Variants in FARS2 observed in about 807,000 individuals in gnomAD.
FARS2 encodes phenylalanine--tRNA ligase, mitochondrial.
Under a neutral mutation model 46.4 loss-of-function variants are expected in FARS2, and 40 were observed. The ratio of observed to expected loss-of-function variants is 0.86; its 90% CI spans 0.67 to 1.12. The LOEUF (loss-of-function observed/expected upper bound fraction) is 1.12. Among genes scored for constraint, FARS2 ranks in the 50% most tolerant of loss-of-function variants. The pLI, the probability that FARS2 is intolerant of heterozygous loss-of-function variation, is 0.00. For missense variants in FARS2, 513 were observed against 567.9 expected (o/e 0.90, Z 0.98); for synonymous variants, 234 against 214.9 (o/e 1.09, Z -0.78).
At chr6:5,768,019 C>T (rs528469163) in intron 6 of FARS2, among the ~76,000 whole-genome samples, 1 of 152,322 alleles carries the variant, frequency 6.6e-6, no homozygotes, top group South Asian at 2.1e-4. Context: ...CGGGAGACCA[C>T]TCTTCAAGAA....
intron 4 of FARS2, among the ~76,000 whole-genome samples, chr6:5,505,107 G>A (rs1041295544): frequency 6.6e-6 from 1 of 152,080 alleles, no homozygotes; most frequent in Non-Finnish European, 1.5e-5. Flanking sequence ...AATTATTTGT[G>A]GTACCTACTT....
At chr6:5,484,409 A>G (rs1475960052) in intron 4 of FARS2, among the ~76,000 whole-genome samples, 1 of 152,238 alleles carries the variant, frequency 6.6e-6, no homozygotes, top group Non-Finnish European at 1.5e-5. Context: ...GCTTGCAGTG[A>G]TGATGGGAAT....
chr6:5,262,790 T>G (rs2127799622), intron 1 of FARS2, among the ~76,000 whole-genome samples: 1 of 152,364 alleles, frequency 6.6e-6, no homozygotes, highest in African/African-American at 2.4e-5. Flanking sequence ...TGTTATTGTT[T>G]ATTATTATTT....
chr6:5,563,149 A>G (rs1772112769), intron 5 of FARS2, among the ~76,000 whole-genome samples: 2 of 152,262 alleles, frequency 1.3e-5, no homozygotes, highest in South Asian at 4.1e-4. Flanking sequence ...CCAGGTATAT[A>G]TGCAGAGGCT....
rs574198102 is a variant in FARS2, at chr6:5,613,449, T to C, written c.1217+129T>C. On this transcript the variant is annotated intron_variant, in intron 6 of 6. Transcript: ENST00000274680. ...AAATGTCTTCTGAATTTGTAGTGAA[T>C]GTATAGCTTATCAGAAAACTCTTTG... 61 of 660,148 alleles carry C rather than the reference T, an allele frequency of 9.2e-5. No individual in the cohort carries two copies. The African/African-American group carries it at 1.1e-3, about 11-fold the overall frequency. The allele number at this position is 660,148 out of a possible 1,614,324, so 40.9% of individuals were successfully genotyped here.
chr6:5,421,593 C>G (rs1181015105), intron 3 of FARS2, among the ~76,000 whole-genome samples: 3 of 152,202 alleles, frequency 2.0e-5, no homozygotes, highest in Admixed American at 1.3e-4. Context: ...GCACCCAAGT[C>G]ACCTCTTGAA....
Position 5,341,225 on chromosome 6 carries a change from ATATATATATATTTTT to A in FARS2, c.-21-27323_-21-27309del, listed in dbSNP as rs1319989637. ...TATATATATATATATATATATATAT[ATATATATATATTTTT>A]TTTTTTTTTTTTTTTTTCCCTGTGA... is the stretch of plus-strand genomic sequence containing the variant. On this transcript the variant is annotated intron_variant, in intron 1 of 6. Coordinates refer to ENST00000274680, the MANE Select transcript of FARS2 (RefSeq NM_006567.5). Among the ~76,000 whole-genome samples, 12 of 4,872 alleles carry A rather than the reference ATATATATATATTTTT, an allele frequency of 2.5e-3. 1 individual carries two copies. The East Asian group carries it at 0.038, about 16-fold the overall frequency. 3.2% of individuals were successfully genotyped at this position (4,872 alleles called of 152,430 possible).
chr6:5,514,408 A>G (rs551485041), intron 4 of FARS2, among the ~76,000 whole-genome samples: 6 of 152,190 alleles, frequency 3.9e-5, no homozygotes, highest in Non-Finnish European at 8.8e-5. Context: ...GCCTAATTGC[A>G]TTTATTATTT....
intron 5 of FARS2, among the ~76,000 whole-genome samples, chr6:5,570,266 T>G (rs13192568): frequency 3.3e-5 from 5 of 152,096 alleles, no homozygotes; most frequent in Non-Finnish European, 5.9e-5. Flanking sequence ...CTTCCTAAGG[T>G]GTTTATTTTG....
At chr6:5,735,046 G>T (rs563054651) in intron 6 of FARS2, among the ~76,000 whole-genome samples, 4 of 152,298 alleles carry the variant, frequency 2.6e-5, no homozygotes, top group South Asian at 2.1e-4. Context: ...TGGTCATTTT[G>T]TGGATTATAT....
intron 5 of FARS2, among the ~76,000 whole-genome samples, chr6:5,586,104 T>G (rs1773599264): frequency 6.6e-6 from 1 of 152,192 alleles, no homozygotes; most frequent in Non-Finnish European, 1.5e-5. Flanking sequence ...GTCTATTAGT[T>G]CTAACAGATT....
At chr6:5,525,991 A>C (rs941245801) in intron 4 of FARS2, among the ~76,000 whole-genome samples, 2 of 152,368 alleles carry the variant, frequency 1.3e-5, no homozygotes, top group African/African-American at 4.8e-5. Context: ...CTTTTTGGAA[A>C]GGTTGAAGAA....
At chr6:5,533,913 C>T (rs1344827458) in intron 4 of FARS2, among the ~76,000 whole-genome samples, 8 of 152,316 alleles carry the variant, frequency 5.3e-5, no homozygotes, top group Admixed American at 1.3e-4. Flanking sequence ...CCTTTTGTTA[C>T]GCTGTGAAAT....
intron 4 of FARS2, among the ~76,000 whole-genome samples, chr6:5,464,871 C>G (rs945716076): frequency 1.3e-5 from 2 of 152,136 alleles, no homozygotes; most frequent in Non-Finnish European, 2.9e-5. Flanking sequence ...ATGAAAATAA[C>G]AAAATGAACA....
chr6:5,349,755 G>GT (rs1008330711), intron 1 of FARS2, among the ~76,000 whole-genome samples: 2 of 152,034 alleles, frequency 1.3e-5, no homozygotes, highest in Non-Finnish European at 2.9e-5. Flanking sequence ...GGCTGTGACT[G>GT]TTTCTTATAC....
At chr6:5,745,083 C>T (rs1292307821) in intron 6 of FARS2, among the ~76,000 whole-genome samples, 2 of 152,188 alleles carry the variant, frequency 1.3e-5, no homozygotes, top group Non-Finnish European at 1.5e-5. Context: ...CCACAAAATG[C>T]TATCCTAGAA....
intron 6 of FARS2, among the ~76,000 whole-genome samples, chr6:5,732,745 T>C (rs1337740586): frequency 6.6e-6 from 1 of 152,048 alleles, no homozygotes; most frequent in East Asian, 1.9e-4. Context: ...CAGCTCCTAG[T>C]GAGTCTCCTC....
At chr6:5,300,020 C>T (rs981228439) in intron 1 of FARS2, among the ~76,000 whole-genome samples, 3 of 152,054 alleles carry the variant, frequency 2.0e-5, no homozygotes, top group African/African-American at 7.2e-5. Flanking sequence ...GTAGTTGGAG[C>T]AGAAAGTTTA....
chr6:5,384,367 G>T (rs936985156), intron 2 of FARS2, among the ~76,000 whole-genome samples: 1 of 152,210 alleles, frequency 6.6e-6, no homozygotes, highest in Admixed American at 6.5e-5. Flanking sequence ...AGCAGCATTT[G>T]GCAGTATTTT....
Sources: allele counts gnomAD v4.1 joint callset (sites outside exome capture counted in the v4.1 genomes callset), GRCh38; gene constraint gnomAD v4.1.1; transcripts MANE v1.5; gene names NCBI Gene and HGNC (gene_info 2026-07-23, HGNC 2026-07-21).